Variants in EDEM3 observed in about 807,000 individuals in gnomAD.
EDEM3 encodes the protein ER degradation-enhancing alpha-mannosidase-like protein 3.
EDEM3 carries 60 observed loss-of-function variants against 110.2 expected under a neutral mutation model. That is an observed-to-expected ratio of 0.54 (90% CI 0.44 to 0.67). The LOEUF is 0.67. EDEM3 is among the 30% of genes least tolerant of loss of function. EDEM3 has a pLI of 0.00. For synonymous variants in EDEM3, 352 were observed against 382.9 expected (o/e 0.92, Z 0.94); for missense variants, 996 against 1,121.0 (o/e 0.89, Z 1.59).
intron 11 of EDEM3, among the ~76,000 whole-genome samples, chr1:184,718,054 A>G (rs1331431088): frequency 6.6e-6 from 1 of 152,034 alleles, no homozygotes; most frequent in Non-Finnish European, 1.5e-5. Flanking sequence ...TGATGTTTTG[A>G]TATATTTATA....
chr1:184,754,777 G>C lies in EDEM3; in HGVS notation c.-131C>G. The stretch of plus-strand genomic sequence containing the variant: ...TGCGGAGTAACACGGACGGCCGCCG[G>C]CGCCAAACTGTTTCCCGAAGCCACC... On this transcript the variant is annotated 5_prime_UTR_variant, in exon 1 of 20. Transcript: ENST00000318130. The C allele has an allele frequency of 7.4e-7, 1 of 1,352,132 alleles. No homozygotes were observed. The highest frequency in any genetic ancestry group is 9.6e-7 in the Non-Finnish European group (1 of 1,045,136). 83.8% of individuals were successfully genotyped at this position (1,352,132 alleles called of 1,614,324 possible).
chr1:184,694,400 G>T lies in EDEM3; in HGVS notation c.2462C>A (p.Ser821Ter). Residue 821 changes from serine to a stop codon, truncating the protein, a stop_gained, in exon 20 of 20, where the codon TCA becomes TAA. Coordinates refer to ENST00000318130, the MANE Select transcript of EDEM3 (RefSeq NM_025191.4). LOFTEE classifies it high-confidence loss of function. ...CAAATCAACCTCCTGAGAACTTGAT[G>T]AAATCTGTTCACCACTCTGATTCTG... ...DSQNQSGEQI[S>*]SSSQEVDLVD... 6.2e-7 allele frequency: 1 copy of T among 1,612,090 alleles called. No individual in the cohort carries two copies. Among genetic ancestry groups the T allele is most frequent in the South Asian group, 1.1e-5 (1 of 91,014 alleles).
In EDEM3 at chr1:184,708,316, C is replaced by A; in HGVS notation, c.1874G>T (p.Gly625Val). The A allele has an allele frequency of 6.2e-7, 1 of 1,612,726 alleles. No homozygotes were observed. The highest frequency in any genetic ancestry group is 8.5e-7 in the Non-Finnish European group (1 of 1,179,646). Residue 625 changes from glycine (G) to valine (V), a missense_variant, in exon 17 of 20, where the codon GGG (glycine) becomes GTG (valine). Transcript: ENST00000318130. ...AATCATCTCCTGCATGAACCTCAACCCATCTTCAGCGTCGATTGAACTAGC... is the reference window on the plus strand; with the variant it reads ...AATCATCTCCTGCATGAACCTCAACACATCTTCAGCGTCGATTGAACTAGC... ...QAASSIDAED[G>V]LRFMQEMIEL... is the part of the protein sequence containing the mutation.
At position 184,702,859 on chromosome 1, in the gene EDEM3, C is replaced by G. The variant is rs1282904731; in HGVS notation, c.2341G>C (p.Glu781Gln). 6.2e-7 allele frequency: 1 copy of G among 1,612,196 alleles called. No homozygotes were observed. Among genetic ancestry groups the G allele is most frequent in the African/African-American group, 1.3e-5 (1 of 74,744 alleles). Residue 781 changes from glutamate to glutamine, a missense_variant, in exon 19 of 20, where the codon GAA becomes CAA. By Grantham distance (29) the Glu-to-Gln change is conservative. Coordinates refer to ENST00000318130, the MANE Select transcript of EDEM3 (RefSeq NM_025191.4). ...EGSIILDAIREYEEVEVLLSD... is the reference protein window; with the variant it reads ...EGSIILDAIRQYEEVEVLLSD... ...AGGAGCACTTCTACCTCCTCATATTCCCGGATGGCATCCAGTATGATACTT... is the reference window on the plus strand; with the variant it reads ...AGGAGCACTTCTACCTCCTCATATTGCCGGATGGCATCCAGTATGATACTT...
At chr1:184,739,373 A>G (rs971132326) in intron 2 of EDEM3, among the ~76,000 whole-genome samples, 1 of 149,902 alleles carries the variant, frequency 6.7e-6, no homozygotes, top group East Asian at 1.9e-4. Flanking sequence ...AATTAAATTA[A>G]ATTTTAATTA....
At chr1:184,701,263 A>T (rs1179173804) in intron 19 of EDEM3, among the ~76,000 whole-genome samples, 3 of 152,010 alleles carry the variant, frequency 2.0e-5, no homozygotes, top group African/African-American at 7.2e-5. Flanking sequence ...TGTTAGAGTG[A>T]CTCTTGTATG....
chr1:184,740,680 T>C (rs1298447866), intron 2 of EDEM3, among the ~76,000 whole-genome samples: 1 of 152,056 alleles, frequency 6.6e-6, no homozygotes, highest in African/African-American at 2.4e-5. Context: ...GGCAAAGAAA[T>C]AAAAGGTGAC....
In EDEM3 at chr1:184,717,556, G is replaced by T. The variant is rs1650620346; in HGVS notation, c.1229C>A (p.Thr410Asn). Residue 410 changes from threonine (T) to asparagine (N), a missense_variant, in exon 12 of 20, where the codon ACC (threonine) becomes AAC (asparagine). Thr to Asn is a moderately conservative substitution (Grantham distance 65, BLOSUM62 0). Coordinates refer to ENST00000318130, the MANE Select transcript of EDEM3 (RefSeq NM_025191.4). ...HPLRPEFAES[T>N]YFLYKATGDP... The stretch of plus-strand genomic sequence containing the variant: ...TTTTCTTACTTTATATAAGAAGTAG[G>T]TACTTTCTGCAAATTCTGGCCTTAA... 6.2e-7 allele frequency: 1 copy of T among 1,607,536 alleles called. No individual in the cohort carries two copies.
At chr1:184,694,993 T>C (rs1362677364) in intron 19 of EDEM3, among the ~76,000 whole-genome samples, 2 of 152,056 alleles carry the variant, frequency 1.3e-5, no homozygotes, top group African/African-American at 4.8e-5. Context: ...GGTATTAATG[T>C]GACTGATCAG....
At chr1:184,739,307 T>A (rs1451901944) in intron 2 of EDEM3, among the ~76,000 whole-genome samples, 1 of 149,030 alleles carries the variant, frequency 6.7e-6, no homozygotes, top group Non-Finnish European at 1.5e-5. Context: ...AAAATAACTA[T>A]TTTATCATTA....
intron 7 of EDEM3, among the ~76,000 whole-genome samples, chr1:184,725,632 T>G (rs1165413086): frequency 6.6e-6 from 1 of 151,868 alleles, no homozygotes; most frequent in African/African-American, 2.4e-5. Flanking sequence ...TGCCATTTGT[T>G]GAATTTTTAA....
intron 2 of EDEM3, among the ~76,000 whole-genome samples, chr1:184,745,375 C>T (rs528692058): frequency 6.6e-6 from 1 of 151,938 alleles, no homozygotes; most frequent in Non-Finnish European, 1.5e-5. Context: ...TAGTACCATG[C>T]CTAAAATACT....
intron 6 of EDEM3, 141 bp downstream of exon 6, chr1:184,732,696 A>G (rs1651593615): frequency 1.3e-6 from 1 of 746,428 alleles, no homozygotes; most frequent in Admixed American, 3.3e-5. Context: ...TTGAAATGAA[A>G]ATATAAATTT....
In EDEM3 at chr1:184,704,649, CAAAAAAAAA is replaced by C. The variant is rs58913815; in HGVS notation, c.2204-1662_2204-1654del. ...TGGGTGACAAAGCAAGACTCTGTCT[CAAAAAAAAA>C]AAAAAAAAAAAAAAAAAAAAAATTT... is the stretch of plus-strand genomic sequence containing the variant. On this transcript the variant is annotated intron_variant, in intron 18 of 19. Transcript: ENST00000318130. Among the ~76,000 whole-genome samples, 188 of 29,918 alleles carry C rather than the reference CAAAAAAAAA, an allele frequency of 6.3e-3. 2 individuals carry two copies. Among genetic ancestry groups the C allele is most frequent in the Admixed American group, 0.014 (21 of 1,494 alleles). 19.6% of individuals were successfully genotyped at this position (29,918 alleles called of 152,430 possible).
At chr1:184,751,451 C>A (rs1249692932) in intron 1 of EDEM3, among the ~76,000 whole-genome samples, 2 of 152,132 alleles carry the variant, frequency 1.3e-5, no homozygotes, top group Non-Finnish European at 2.9e-5. Flanking sequence ...ATTTTCAAGA[C>A]TGTAAGTAAA....
At chr1:184,694,991 T>C (rs1293791917) in intron 19 of EDEM3, among the ~76,000 whole-genome samples, 1 of 152,048 alleles carries the variant, frequency 6.6e-6, no homozygotes, top group Non-Finnish European at 1.5e-5. Flanking sequence ...AGGGTATTAA[T>C]GTGACTGATC....
chr1:184,702,026 G>A (rs1248319861), intron 19 of EDEM3, among the ~76,000 whole-genome samples: 4 of 151,916 alleles, frequency 2.6e-5, no homozygotes, highest in African/African-American at 9.7e-5. Context: ...TAAGGGTATG[G>A]GAGAACTTTA....
chr1:184,715,230 G>A (rs1287138986), intron 13 of EDEM3, among the ~76,000 whole-genome samples: 2 of 152,178 alleles, frequency 1.3e-5, no homozygotes, highest in Non-Finnish European at 2.9e-5. Context: ...ATGGGGCAAT[G>A]TCAGTGGTAA....
chr1:184,737,620 G>A lies in EDEM3; in HGVS notation c.296C>T (p.Ala99Val). Residue 99 changes from alanine (A) to valine (V), a missense_variant, in exon 3 of 20, where the codon GCC (alanine) becomes GTC (valine). Ala to Val is a moderately conservative substitution (Grantham distance 64, BLOSUM62 0). Transcript: ENST00000318130. Reference protein sequence around the residue: ...QEPSRGDVDDALGKFSLTLID... With the variant: ...QEPSRGDVDDVLGKFSLTLID... ...CTGTGTTAATACTCACTTTCCCAAGGCATCATCAACGTCACCGCGACTTGG... is the reference window on the plus strand; with the variant it reads ...CTGTGTTAATACTCACTTTCCCAAGACATCATCAACGTCACCGCGACTTGG... 1 of 1,613,826 alleles carries A rather than the reference G, an allele frequency of 6.2e-7. No individual in the cohort carries two copies. The highest frequency in any genetic ancestry group is 1.1e-5 in the South Asian group (1 of 91,066).
Sources: gnomAD v4.1 joint callset for allele counts (sites outside exome capture counted in the v4.1 genomes callset) on GRCh38, gnomAD v4.1.1 for gene constraint, MANE v1.5 for transcripts, NCBI Gene and HGNC (gene_info 2026-07-23, HGNC 2026-07-21) for gene names.